The following CADPS2 variants were observed in gnomAD, a reference collection of about 807,000 sequenced individuals.
The protein encoded by CADPS2 is calcium-dependent secretion activator 2.
Under a neutral mutation model 172.5 loss-of-function variants are expected in CADPS2, and 93 were observed. That is an observed-to-expected ratio of 0.54 (90% CI 0.46 to 0.64). CADPS2 has a LOEUF of 0.64. Among genes scored for constraint, CADPS2 ranks in the 30% least tolerant of loss-of-function variants. CADPS2 has a pLI of 0.00. For missense variants in CADPS2, 1,420 were observed against 1,565.9 expected, an observed-to-expected ratio of 0.91 and a Z score of 1.57; for synonymous variants, 546 against 555.2, an observed-to-expected ratio of 0.98 and a Z score of 0.23.
At chr7:122,654,047 T>A (rs773270328) in intron 3 of CADPS2, among the ~76,000 whole-genome samples, 36 of 152,186 alleles carry the variant, frequency 2.4e-4, no homozygotes, top group Non-Finnish European at 4.3e-4. Context: ...TAGAAAGGCA[T>A]GTCATAAGAA....
At chr7:122,856,364 C>A (rs1005367516) in intron 1 of CADPS2, among the ~76,000 whole-genome samples, 2 of 152,162 alleles carry the variant, frequency 1.3e-5, no homozygotes, top group African/African-American at 2.4e-5. Flanking sequence ...ATCTCTAAAT[C>A]CTACTCATTC....
chr7:122,880,944 G>A (rs1189971727), intron 1 of CADPS2, among the ~76,000 whole-genome samples: 1 of 152,158 alleles, frequency 6.6e-6, no homozygotes, highest in Non-Finnish European at 1.5e-5. Flanking sequence ...AACTGAAACA[G>A]CAATGTCACA....
intron 3 of CADPS2, among the ~76,000 whole-genome samples, chr7:122,655,605 TA>T (rs138866337): frequency 0.096 from 14,548 of 151,426 alleles, 965 homozygotes; most frequent in East Asian, 0.23. Context: ...CAGTGTGAAA[TA>T]AAAAAAAATT....
chr7:122,565,062 T>C (rs2066272820), intron 7 of CADPS2, among the ~76,000 whole-genome samples: 1 of 151,908 alleles, frequency 6.6e-6, no homozygotes, highest in Non-Finnish European at 1.5e-5. Context: ...TAATAGACAC[T>C]GGAGACTCCA....
intron 19 of CADPS2, among the ~76,000 whole-genome samples, chr7:122,412,581 G>C (rs1468570185): frequency 2.6e-5 from 4 of 152,170 alleles, no homozygotes; most frequent in Admixed American, 2.0e-4. Context: ...AGTGAACTGA[G>C]AGCTGTCTGC....
chr7:122,837,541 T>C (rs936077242), intron 1 of CADPS2, among the ~76,000 whole-genome samples: 5 of 151,470 alleles, frequency 3.3e-5, no homozygotes, highest in African/African-American at 9.7e-5. Flanking sequence ...GCAAGACTAA[T>C]AAAGAAGAAA....
At chr7:122,354,590 G>A (rs1422422793) in intron 27 of CADPS2, among the ~76,000 whole-genome samples, 1 of 151,928 alleles carries the variant, frequency 6.6e-6, no homozygotes, top group Non-Finnish European at 1.5e-5. Context: ...GGGGGGGAGG[G>A]GTTAGTATAA....
intron 17 of CADPS2, among the ~76,000 whole-genome samples, chr7:122,428,381 C>T (rs532866314): frequency 6.6e-6 from 1 of 151,598 alleles, no homozygotes; most frequent in South Asian, 2.1e-4. Context: ...CTTGATGAAA[C>T]AGTAAAAATA....
chr7:122,451,399 A>C lies in CADPS2; in HGVS notation c.2263T>G (p.Leu755Val). 6.4e-7 allele frequency: 1 copy of C among 1,551,420 alleles called. No homozygotes were observed. Among genetic ancestry groups the C allele is most frequent in the Non-Finnish European group, 8.7e-7 (1 of 1,145,550 alleles). Residue 755 changes from leucine to valine, a missense_variant, in exon 15 of 30, where the codon TTA becomes GTA. Coordinates refer to ENST00000449022, the MANE Select transcript of CADPS2 (RefSeq NM_017954.11). Reference sequence around the variant, plus strand: ...CTGAAATGGCTTATCTGATTTTCTAAAAGGGAAGAGAGTCTCTCTTTTATC... The same window carrying C: ...CTGAAATGGCTTATCTGATTTTCTACAAGGGAAGAGAGTCTCTCTTTTATC... ...EEIKERLSSL[L>V]ENQISHFRYC... is the part of the protein sequence containing the mutation.
At chr7:122,634,746 T>A (rs957835989) in intron 3 of CADPS2, among the ~76,000 whole-genome samples, 1 of 152,144 alleles carries the variant, frequency 6.6e-6, no homozygotes, top group African/African-American at 2.4e-5. Context: ...TATTGTTAGA[T>A]CGTTAATTTG....
At chr7:122,644,104 G>A (rs1400065420) in intron 3 of CADPS2, among the ~76,000 whole-genome samples, 1 of 148,550 alleles carries the variant, frequency 6.7e-6, no homozygotes, top group Non-Finnish European at 1.5e-5. Flanking sequence ...ATGAAGGAAG[G>A]AAGGAAGGAA....
intron 1 of CADPS2, among the ~76,000 whole-genome samples, chr7:122,866,835 C>T (rs1818436491): frequency 6.6e-6 from 1 of 152,086 alleles, no homozygotes; most frequent in Non-Finnish European, 1.5e-5. Context: ...CAACAGCTTC[C>T]CAGCACACCT....
intron 14 of CADPS2, among the ~76,000 whole-genome samples, chr7:122,465,693 G>C (rs996425368): frequency 2.6e-5 from 4 of 152,158 alleles, no homozygotes; most frequent in Middle Eastern, 3.4e-3. Flanking sequence ...TATGAAACCG[G>C]TCGCTGGTGC....
chr7:122,401,187 A>G (rs895892804), intron 20 of CADPS2, among the ~76,000 whole-genome samples: 6 of 152,220 alleles, frequency 3.9e-5, no homozygotes, highest in Non-Finnish European at 5.9e-5. Flanking sequence ...GTCTTCGAGA[A>G]TAGGTTTTCA....
At chr7:122,802,972 C>A (rs1173688242) in intron 1 of CADPS2, among the ~76,000 whole-genome samples, 2 of 151,988 alleles carry the variant, frequency 1.3e-5, no homozygotes, top group Non-Finnish European at 2.9e-5. Context: ...TTTTAAATGA[C>A]TTTATTTGTA....
intron 28 of CADPS2, among the ~76,000 whole-genome samples, chr7:122,327,688 A>G (rs1354821180): frequency 6.6e-6 from 1 of 152,038 alleles, no homozygotes; most frequent in African/African-American, 2.4e-5. Flanking sequence ...AATTGAAAAG[A>G]CATATAATGT....
Position 122,663,270 on chromosome 7 carries a change from T to C in CADPS2, c.753A>G (p.Lys251=). ...CATTATAAAGGAGCTGGTGTTCCAG[T>C]TTTTTAATACCCAGAATCTGCTGAA... ...EMFQQILGIK[K]LEHQLLYNAC... Residue 251 remains lysine (K), a synonymous_variant, in exon 3 of 30, where the codon AAA becomes AAG. Coordinates refer to ENST00000449022, the MANE Select transcript of CADPS2 (RefSeq NM_017954.11). The C allele has an allele frequency of 1.2e-6, 2 of 1,613,426 alleles. No homozygotes were observed. Among genetic ancestry groups the C allele is most frequent in the Non-Finnish European group, 1.7e-6 (2 of 1,179,570 alleles).
chr7:122,658,693 C>T (rs1005050530), intron 3 of CADPS2, among the ~76,000 whole-genome samples: 5 of 152,068 alleles, frequency 3.3e-5, no homozygotes, highest in South Asian at 2.1e-4. Context: ...AATGAGAACA[C>T]GTGGACACAG....
intron 28 of CADPS2, chr7:122,331,958 G>A (rs2035021328): frequency 6.6e-6 from 1 of 152,130 alleles, no homozygotes; most frequent in Non-Finnish European, 1.5e-5. Flanking sequence ...GAGTAGTTCG[G>A]TGCTTCTAGC....
Sources: gnomAD v4.1 joint callset for allele counts (sites outside exome capture counted in the v4.1 genomes callset) on GRCh38, gnomAD v4.1.1 for gene constraint, MANE v1.5 for transcripts, NCBI Gene and HGNC (gene_info 2026-07-23, HGNC 2026-07-21) for gene names.